Variants in LPO observed in about 807,000 individuals in gnomAD.
LPO encodes the protein lactoperoxidase, also known as salivary peroxidase.
A neutral mutation model predicts 68.4 loss-of-function variants in LPO; 70 were observed. That is an observed-to-expected ratio of 1.02 (90% CI 0.84 to 1.25). LPO has a LOEUF of 1.25. Ranked by LOEUF, LPO falls within the 50% of genes most tolerant of loss-of-function variation. LPO has a pLI of 0.00. For synonymous variants in LPO, 360 were observed against 357.6 expected (o/e 1.01, Z -0.08); for missense variants, 873 against 908.4 (o/e 0.96, Z 0.50).
At chr17:58,254,723 C>T in intron 8 of LPO, 88 bp from the exon 9 acceptor site, 1 of 1,403,594 alleles carries the variant, frequency 7.1e-7, no homozygotes, top group Non-Finnish European at 9.8e-7. Flanking sequence ...GGGGCGCGGT[C>T]CTGTGGGGCA....
intron 8 of LPO, among the ~76,000 whole-genome samples, chr17:58,253,022 CAAAAAAAAAAAAAAAAAA>C (rs765890765): frequency 3.2e-5 from 1 of 31,094 alleles, no homozygotes; most frequent in Non-Finnish European, 5.7e-5. Flanking sequence ...GACTCCATCT[CAAAAAAAAAAAAAAAAAA>C]AAAAAAAAGA....
At chr17:58,250,018 T>C (rs962884230) in intron 6 of LPO, among the ~76,000 whole-genome samples, 3 of 152,164 alleles carry the variant, frequency 2.0e-5, no homozygotes, top group Admixed American at 1.3e-4. Flanking sequence ...GAGGTCCTAT[T>C]TGTTGGCCTT....
intron 4 of LPO, among the ~76,000 whole-genome samples, chr17:58,248,323 A>G (rs1182586803): frequency 6.6e-6 from 1 of 152,230 alleles, no homozygotes; most frequent in Non-Finnish European, 1.5e-5. Context: ...AAACTGGGAC[A>G]AGGTAAGAAG....
intron 8 of LPO, among the ~76,000 whole-genome samples, chr17:58,253,906 T>C (rs2143916176): frequency 6.6e-6 from 1 of 152,162 alleles, no homozygotes; most frequent in East Asian, 1.9e-4. Flanking sequence ...AGGCCACAAG[T>C]TCGAGAACAG....
intron 1 of LPO, among the ~76,000 whole-genome samples, chr17:58,239,989 G>C (rs1020359006): frequency 6.6e-6 from 1 of 152,110 alleles, no homozygotes; most frequent in Non-Finnish European, 1.5e-5. Context: ...CTTAGGTCCT[G>C]GGAAAACAAA....
At chr17:58,241,597 A>G (rs978627634) in intron 1 of LPO, among the ~76,000 whole-genome samples, 1 of 152,134 alleles carries the variant, frequency 6.6e-6, no homozygotes. Flanking sequence ...GGGGCCATAC[A>G]ACTATAAGGA....
At position 58,249,578 on chromosome 17, in the gene LPO, G is replaced by T. The variant is rs777033131; in HGVS notation, c.456G>T (p.Ala152=). ...TGDCNNRRKP[A]LGAANRALAR... ...GTGCTGGTTTCAGGAGGAAGCCTGC[G>T]CTGGGCGCCGCCAACAGGGCTCTGG... Residue 152 remains alanine, a synonymous_variant, in exon 6 of 13, where the codon GCG becomes GCT. Transcript: ENST00000262290. 1 of 1,603,946 alleles carries T rather than the reference G, an allele frequency of 6.2e-7. No individual in the cohort carries two copies. Among genetic ancestry groups the T allele is most frequent in the African/African-American group, 1.3e-5 (1 of 74,916 alleles).
At position 58,249,190 on chromosome 17, in the gene LPO, G is replaced by A; in HGVS notation, c.443+13G>A. 1.2e-6 allele frequency: 2 copies of A among 1,607,100 alleles called. No individual in the cohort carries two copies. Among genetic ancestry groups the A allele is most frequent in the Non-Finnish European group, 1.7e-6 (2 of 1,174,308 alleles). Reference sequence around the variant, plus strand: ...ACTGCAATAACAGGTGGCGGGGCTTGGGGTGTGGGGGCCGACCATTCCAGC... The same window carrying A: ...ACTGCAATAACAGGTGGCGGGGCTTAGGGTGTGGGGGCCGACCATTCCAGC... On this transcript the variant is annotated intron_variant, in intron 5 of 12. Coordinates refer to ENST00000262290, the MANE Select transcript of LPO (RefSeq NM_006151.3).
At position 58,242,822 on chromosome 17, in the gene LPO, G is replaced by A. The variant is rs186904291; in HGVS notation, c.-2-156G>A. ...CCCAGTACCTAGCACAGGCCTGTGT[G>A]TATGGTAGATGCTTCATTCGTTAAT... is the stretch of plus-strand genomic sequence containing the variant. On this transcript the variant is annotated intron_variant, in intron 1 of 12. Coordinates refer to ENST00000262290, the MANE Select transcript of LPO (RefSeq NM_006151.3). 2.9e-4 allele frequency: 186 copies of A among 635,726 alleles called. 2 individuals are homozygous for A. In the Admixed American group the frequency reaches 4.6e-3, roughly 16 times the overall value. 39.4% of individuals were successfully genotyped at this position (635,726 alleles called of 1,614,324 possible).
Position 58,262,431 on chromosome 17 carries a change from C to T in LPO, c.1267-2291C>T, listed in dbSNP as rs1434860240. Among the ~76,000 whole-genome samples, 3 of 152,274 alleles carry T rather than the reference C, an allele frequency of 2.0e-5. No individual in the cohort carries two copies. The East Asian group carries it at 5.8e-4, about 29-fold the overall frequency. ...TTGAGACAGAGTCTTGCTCTGTTGC[C>T]CAGGCTGGAGTGCAGTGGCAACATC... On this transcript the variant is annotated intron_variant, in intron 9 of 12. Coordinates refer to ENST00000262290, the MANE Select transcript of LPO (RefSeq NM_006151.3).
chr17:58,249,584 C>T lies in LPO; in HGVS notation c.462C>T (p.Gly154=). Residue 154 remains glycine (G), a synonymous_variant, in exon 6 of 13, where the codon GGC becomes GGT. Coordinates refer to ENST00000262290, the MANE Select transcript of LPO (RefSeq NM_006151.3). Reference sequence around the variant, plus strand: ...GTTTCAGGAGGAAGCCTGCGCTGGGCGCCGCCAACAGGGCTCTGGCGCGCT... The same window carrying T: ...GTTTCAGGAGGAAGCCTGCGCTGGGTGCCGCCAACAGGGCTCTGGCGCGCT... ...DCNNRRKPAL[G]AANRALARWL... is the part of the protein sequence containing the mutation. 1 of 1,603,700 alleles carries T rather than the reference C, an allele frequency of 6.2e-7. No homozygotes were observed. The highest frequency in any genetic ancestry group is 2.2e-5 in the East Asian group (1 of 44,682).
intron 8 of LPO, among the ~76,000 whole-genome samples, chr17:58,254,220 G>A (rs1324509289): frequency 1.3e-5 from 2 of 150,772 alleles, no homozygotes; most frequent in Non-Finnish European, 3.0e-5. Context: ...AGGGCACAGG[G>A]AGAAGTCCTT....
chr17:58,242,578 G>T (rs1969777785), intron 1 of LPO, among the ~76,000 whole-genome samples: 1 of 152,178 alleles, frequency 6.6e-6, no homozygotes. Context: ...GACAAGACAG[G>T]TACAGCATCT....
intron 6 of LPO, 44 bp downstream of exon 6, chr17:58,249,739 G>C (rs778636807): frequency 2.6e-6 from 4 of 1,524,218 alleles, no homozygotes; most frequent in Non-Finnish European, 3.5e-6. Context: ...AGCCAGAGGG[G>C]ACGGGATGCA....
chr17:58,245,721 AGCAAAGGAGG>A (rs1969841382), intron 3 of LPO, among the ~76,000 whole-genome samples: 1 of 152,210 alleles, frequency 6.6e-6, no homozygotes, highest in Non-Finnish European at 1.5e-5. Flanking sequence ...GAATTAAACT[AGCAAAGGAGG>A]AGCCCCATGG....
rs1332959014 is a variant in LPO at position 58,250,453 on chromosome 17, T to A, written c.612T>A (p.Asn204Lys). Reference sequence around the variant, plus strand: ...CTAACAAGATTGTTGGCTATCTGAATGAGGAGGGTGTTCTGGACCAAAACA... The same window carrying A: ...CTAACAAGATTGTTGGCTATCTGAAAGAGGAGGGTGTTCTGGACCAAAACA... ...EVSNKIVGYL[N>K]EEGVLDQNRS... Residue 204 changes from asparagine to lysine, a missense_variant, in exon 7 of 13, where the codon AAT (asparagine) becomes AAA (lysine). Asn to Lys is a moderately conservative substitution (Grantham distance 94, BLOSUM62 0). Transcript: ENST00000262290. 4 of 1,614,092 alleles carry A rather than the reference T, an allele frequency of 2.5e-6. No homozygotes were observed. The highest frequency in any genetic ancestry group is 3.4e-6 in the Non-Finnish European group (4 of 1,180,050).
chr17:58,243,206 C>A, intron 2 of LPO, 151 bp downstream of exon 2: 1 of 689,410 alleles, frequency 1.5e-6, no homozygotes, highest in Non-Finnish European at 2.5e-6. Context: ...CCTCTGAAGG[C>A]TCTAGGGAAG....
chr17:58,254,152 T>TAGATAG (rs1970020743), intron 8 of LPO, among the ~76,000 whole-genome samples: 444 of 133,378 alleles, frequency 3.3e-3, no homozygotes, highest in African/African-American at 4.9e-3. Context: ...TATATAGATA[T>TAGATAG]ATAGATAGAT....
chr17:58,240,758 G>C (rs1238539928), intron 1 of LPO, among the ~76,000 whole-genome samples: 2 of 152,166 alleles, frequency 1.3e-5, no homozygotes, highest in African/African-American at 4.8e-5. Context: ...CTATGATTTT[G>C]TCTTCCTCAG....
Sources: gnomAD v4.1 joint callset for allele counts (sites outside exome capture counted in the v4.1 genomes callset) on GRCh38, gnomAD v4.1.1 for gene constraint, MANE v1.5 for transcripts, NCBI Gene and HGNC (gene_info 2026-07-23, HGNC 2026-07-21) for gene names.